The following NAV2 variants were observed in gnomAD, a reference collection of about 807,000 sequenced individuals.
The protein encoded by NAV2 is neuron navigator 2, also known as helicase, APC down-regulated 1.
A neutral mutation model predicts 223.2 loss-of-function variants in NAV2; 54 were observed. The observed-to-expected ratio is 0.24, with a 90% CI of 0.19 to 0.30. The LOEUF (loss-of-function observed/expected upper bound fraction) is 0.30. NAV2 is among the 10% of genes least tolerant of loss of function. The probability of loss-of-function intolerance (pLI) is 1.00; values close to 1 mark genes in which losing one functional copy is unlikely to be tolerated. For missense variants in NAV2, 2,806 were observed against 3,147.5 expected (o/e 0.89, Z 2.60); for synonymous variants, 1,279 against 1,239.3 (o/e 1.03, Z -0.67).
upstream of NAV2, chr11:19,712,018 A>G (rs140347640): frequency 8.5e-4 from 130 of 152,342 alleles, no homozygotes; most frequent in African/African-American, 2.7e-3. Flanking sequence ...TTTCCTTCTT[A>G]TTCTCATCCA....
chr11:19,962,592 G>A (rs1429610108), intron 10 of NAV2, among the ~76,000 whole-genome samples: 64 of 152,162 alleles, frequency 4.2e-4, no homozygotes, highest in Admixed American at 4.2e-3. Context: ...CTCTATGCCT[G>A]CCTTGGAAGA....
chr11:19,739,630 G>A lies in NAV2; in HGVS notation c.267+25668G>A, dbSNP rs79974120. Among the ~76,000 whole-genome samples the A allele has an allele frequency of 4.2e-3, 637 of 152,214 alleles. 4 individuals are homozygous for A. Among genetic ancestry groups the A allele is most frequent in the African/African-American group, 0.015 (609 of 41,530 alleles). On this transcript the variant is annotated intron_variant, in intron 1 of 37. Transcript: ENST00000349880. ...AAATTTTTAAAAATGATTTTAGAGA[G>A]TGTTCTCTGTTAGCCACAGTATCCA...
intron 11 of NAV2, among the ~76,000 whole-genome samples, chr11:19,988,259 A>G (rs138029588): frequency 5.6e-4 from 86 of 152,342 alleles, no homozygotes; most frequent in African/African-American, 1.8e-3. Context: ...CCAAGATCAC[A>G]TAAACGCCAT....
In NAV2 at chr11:19,432,821, G is replaced by T. The variant is rs144290771; in HGVS notation, c.75+81794G>T. Among the ~76,000 whole-genome samples, 121 of 152,314 alleles carry T rather than the reference G, an allele frequency of 7.9e-4. 1 individual carries two copies. The highest frequency in any genetic ancestry group is 2.7e-3 in the African/African-American group (111 of 41,568). ...GTTCTTGTGTTCTTTACCCTCATTTGAATCTCCCCAATAACTCTTACCGCA... is the reference window on the plus strand; with the variant it reads ...GTTCTTGTGTTCTTTACCCTCATTTTAATCTCCCCAATAACTCTTACCGCA... On this transcript the variant is annotated intron_variant, in intron 1 of 37. Transcript: ENST00000360655.
intron 30 of NAV2, 152 bp from the exon 31 acceptor site, chr11:20,097,425 T>G (rs1294353156): frequency 6.8e-6 from 4 of 587,574 alleles, no homozygotes; most frequent in Non-Finnish European, 8.4e-6. Context: ...CCTTAGAAAG[T>G]CAGTTTTTCT....
intron 1 of NAV2, among the ~76,000 whole-genome samples, chr11:19,596,247 T>G (rs2046204149): frequency 1.3e-5 from 2 of 152,202 alleles, no homozygotes; most frequent in African/African-American, 4.8e-5. Context: ...CCAGAGCCTA[T>G]GAGCTGCTAC....
chr11:19,495,213 C>G lies in NAV2; in HGVS notation c.75+144186C>G, dbSNP rs943156002. ...CTTTTCATTTATGTATTTGTTCTTTCCTTATCTCACATTGGTGGTTTCCTT... is the reference window on the plus strand; with the variant it reads ...CTTTTCATTTATGTATTTGTTCTTTGCTTATCTCACATTGGTGGTTTCCTT... On this transcript the variant is annotated intron_variant, in intron 1 of 37. Coordinates refer to the NAV2 transcript ENST00000360655. Among the ~76,000 whole-genome samples the G allele has an allele frequency of 2.0e-5, 3 of 152,212 alleles. No individual in the cohort carries two copies. In the East Asian group the frequency reaches 5.8e-4, roughly 29 times the overall value.
chr11:19,378,757 G>GCA (rs934636930), intron 1 of NAV2, among the ~76,000 whole-genome samples: 5 of 152,154 alleles, frequency 3.3e-5, no homozygotes, highest in Non-Finnish European at 7.3e-5. Context: ...TAGCTGATCA[G>GCA]CACACACACC....
intron 1 of NAV2, among the ~76,000 whole-genome samples, chr11:19,472,971 C>A (rs35835534): frequency 0.062 from 9,462 of 152,274 alleles, 325 homozygotes; most frequent in East Asian, 0.1. Flanking sequence ...GGCCAGCAAG[C>A]ACCATTTTCC....
chr11:19,430,738 G>A (rs118087330), intron 1 of NAV2, among the ~76,000 whole-genome samples: 1 of 152,196 alleles, frequency 6.6e-6, no homozygotes, highest in Admixed American at 6.5e-5. Flanking sequence ...CTGCCGTGTG[G>A]ATCAGTTGAC....
intron 1 of NAV2, among the ~76,000 whole-genome samples, chr11:19,642,003 T>C (rs1377046903): frequency 6.6e-6 from 1 of 152,200 alleles, no homozygotes; most frequent in East Asian, 1.9e-4. Context: ...CCTAGAATAG[T>C]GATTGGCATA....
intron 11 of NAV2, among the ~76,000 whole-genome samples, chr11:20,021,674 C>T (rs920978616): frequency 6.6e-6 from 1 of 152,206 alleles, no homozygotes; most frequent in Non-Finnish European, 1.5e-5. Flanking sequence ...TTCCCTCAAA[C>T]TCACCCACTG....
At chr11:19,684,336 T>A (rs935670575) in intron 1 of NAV2, among the ~76,000 whole-genome samples, 2 of 152,150 alleles carry the variant, frequency 1.3e-5, no homozygotes, top group Non-Finnish European at 1.5e-5. Context: ...TATTGACTCA[T>A]GTGTCAATGC....
chr11:20,031,513 A>G (rs914102561), intron 11 of NAV2, among the ~76,000 whole-genome samples: 2 of 152,226 alleles, frequency 1.3e-5, no homozygotes, highest in African/African-American at 2.4e-5. Flanking sequence ...GCCAAGTGAC[A>G]AAAAGCAAAA....
At chr11:20,056,024 G>A in intron 19 of NAV2, 67 bp downstream of exon 19, 1 of 1,461,070 alleles carries the variant, frequency 6.8e-7, no homozygotes, top group Non-Finnish European at 9.3e-7. Context: ...GTGTAGTTAA[G>A]GGTCCTCTAT....
chr11:19,901,709 A>G (rs1222538959), intron 6 of NAV2, among the ~76,000 whole-genome samples: 1 of 152,216 alleles, frequency 6.6e-6, no homozygotes, highest in Non-Finnish European at 1.5e-5. Context: ...TGTCATATAC[A>G]TATTGAAATT....
At position 19,979,539 on chromosome 11, in the gene NAV2, C is replaced by T. The variant is rs140487435; in HGVS notation, c.2646-4586C>T. Among the ~76,000 whole-genome samples, 4 of 152,326 alleles carry T rather than the reference C, an allele frequency of 2.6e-5. No individual in the cohort carries two copies. In the South Asian group the frequency reaches 6.2e-4, roughly 24 times the overall value. On this transcript the variant is annotated intron_variant, in intron 10 of 37. Coordinates refer to ENST00000349880, the MANE Select transcript of NAV2 (RefSeq NM_145117.5). ...TCCTCTTTTGGCTGGCAAACTCCTC[C>T]GCACCCTTTAGGGCCAACTTAAACA...
intron 1 of NAV2, among the ~76,000 whole-genome samples, chr11:19,540,053 C>T (rs1279761296): frequency 6.6e-6 from 1 of 152,176 alleles, no homozygotes; most frequent in Non-Finnish European, 1.5e-5. Flanking sequence ...TTCCCAGCAA[C>T]TGAGGGGGTA....
rs2062444002 is a variant in NAV2 at position 19,870,888 on chromosome 11, T to C, written c.511+1891T>C. On this transcript the variant is annotated intron_variant, in intron 4 of 37. Transcript: ENST00000349880. ...TTCTGGGATAGAGGTGGATAAAATC[T>C]AGGTATGCCATATAAAGGTAAAAGA... Among the ~76,000 whole-genome samples, 3 of 152,304 alleles carry C rather than the reference T, an allele frequency of 2.0e-5. No homozygotes were observed. The South Asian group carries it at 6.2e-4, about 32-fold the overall frequency.
Sources: gnomAD v4.1 joint callset for allele counts (sites outside exome capture counted in the v4.1 genomes callset) on GRCh38, gnomAD v4.1.1 for gene constraint, MANE v1.5 for transcripts, NCBI Gene and HGNC (gene_info 2026-07-23, HGNC 2026-07-21) for gene names.